TTC27: variants seen among roughly 807,000 people sequenced by gnomAD.
TTC27 encodes the protein tetratricopeptide repeat protein 27.
In TTC27, 79 loss-of-function variants were observed where a neutral mutation model predicts 115.9. The observed-to-expected ratio is 0.68, with a 90% CI of 0.57 to 0.82. TTC27 has a LOEUF of 0.82. Ranked by LOEUF, TTC27 falls within the 40% of genes least tolerant of loss-of-function variation. The pLI is 0.00. For missense variants in TTC27, 1,054 were observed against 993.1 expected (o/e 1.06, Z -0.82); for synonymous variants, 401 against 356.0 (o/e 1.13, Z -1.42).
intron 3 of TTC27, among the ~76,000 whole-genome samples, chr2:32,635,940 C>A (rs980638046): frequency 1.3e-5 from 2 of 152,076 alleles, no homozygotes; most frequent in Non-Finnish European, 2.9e-5. Flanking sequence ...TGTCTTATGT[C>A]TATGAAGGGA....
chr2:32,816,059 T>TTTAC (rs1671491604), intron 18 of TTC27, among the ~76,000 whole-genome samples: 1 of 152,152 alleles, frequency 6.6e-6, no homozygotes, highest in Admixed American at 6.5e-5. Flanking sequence ...GTCTCATGCC[T>TTTAC]GTAATTGGGA....
At chr2:32,662,576 C>G (rs979107477) in intron 5 of TTC27, among the ~76,000 whole-genome samples, 3 of 152,158 alleles carry the variant, frequency 2.0e-5, no homozygotes, top group African/African-American at 7.2e-5. Flanking sequence ...ATAGTATTCT[C>G]TGATGGTAGT....
intron 18 of TTC27, among the ~76,000 whole-genome samples, chr2:32,813,264 G>T (rs1473673733): frequency 6.6e-6 from 1 of 152,096 alleles, no homozygotes; most frequent in Non-Finnish European, 1.5e-5. Flanking sequence ...CCAATGTTAA[G>T]AACTGAATCA....
intron 8 of TTC27, among the ~76,000 whole-genome samples, chr2:32,675,766 G>T (rs891871817): frequency 6.6e-6 from 1 of 151,964 alleles, no homozygotes; most frequent in African/African-American, 2.4e-5. Flanking sequence ...TTGGAAAGGA[G>T]ACTTAGAGAA....
At chr2:32,641,677 GTTCT>G (rs1052544475) in intron 4 of TTC27, among the ~76,000 whole-genome samples, 1 of 151,806 alleles carries the variant, frequency 6.6e-6, no homozygotes, top group African/African-American at 2.4e-5. Flanking sequence ...AAATGCAATA[GTTCT>G]TTCTTTTTTT....
At chr2:32,798,493 G>C (rs1354269819) in intron 16 of TTC27, among the ~76,000 whole-genome samples, 8 of 151,942 alleles carry the variant, frequency 5.3e-5, no homozygotes, top group Non-Finnish European at 1.0e-4. Flanking sequence ...CACGAGGTCA[G>C]GAGATCGAGA....
At chr2:32,685,601 A>T (rs1052443880) in intron 9 of TTC27, among the ~76,000 whole-genome samples, 2 of 152,212 alleles carry the variant, frequency 1.3e-5, no homozygotes, top group Non-Finnish European at 2.9e-5. Context: ...AATGCAGTTC[A>T]CCTTATTAAT....
At chr2:32,632,305 G>T (rs946524559) in intron 2 of TTC27, among the ~76,000 whole-genome samples, 3 of 151,780 alleles carry the variant, frequency 2.0e-5, no homozygotes, top group African/African-American at 7.3e-5. Flanking sequence ...CACTCCGCCC[G>T]GCTGGATTCT....
intron 13 of TTC27, among the ~76,000 whole-genome samples, chr2:32,776,151 A>C (rs1669990747): frequency 6.6e-6 from 1 of 152,168 alleles, no homozygotes; most frequent in South Asian, 2.1e-4. Context: ...CCCTCTAACA[A>C]AATCTGTTCT....
rs1284410554 is a variant in TTC27, at chr2:32,809,637, G to C, written c.1999-1387G>C. The stretch of plus-strand genomic sequence containing the variant: ...CTTTCCTCAAGCTGGTTCTTTTGCT[G>C]TCCCACCATCAAAGGAGTGGAAGAT... On this transcript the variant is annotated intron_variant, in intron 16 of 19. Coordinates refer to ENST00000317907, the MANE Select transcript of TTC27 (RefSeq NM_017735.5). Among the ~76,000 whole-genome samples the C allele has an allele frequency of 2.0e-5, 3 of 152,332 alleles. No individual in the cohort carries two copies. The East Asian group carries it at 5.8e-4, about 29-fold the overall frequency.
intron 10 of TTC27, among the ~76,000 whole-genome samples, chr2:32,712,231 A>T (rs1250804139): frequency 6.6e-6 from 1 of 152,230 alleles, no homozygotes; most frequent in Non-Finnish European, 1.5e-5. Flanking sequence ...ACTAAAGGTA[A>T]ATAAATCATG....
intron 9 of TTC27, among the ~76,000 whole-genome samples, chr2:32,700,289 C>A (rs1468375463): frequency 6.6e-6 from 1 of 152,030 alleles, no homozygotes; most frequent in Non-Finnish European, 1.5e-5. Context: ...AGTGAGACAC[C>A]CAGGGAGGTC....
rs543784521 is a variant in TTC27, at chr2:32,660,455, G to A, written c.641-3848G>A. Among the ~76,000 whole-genome samples the A allele has an allele frequency of 2.6e-5, 4 of 152,214 alleles. No homozygotes were observed. In the South Asian group the frequency reaches 8.3e-4, roughly 32 times the overall value. On this transcript the variant is annotated intron_variant, in intron 5 of 19. Coordinates refer to ENST00000317907, the MANE Select transcript of TTC27 (RefSeq NM_017735.5). ...AGTTCATGTCCTTTGCAGGGACATG[G>A]ATGAAGCTGGAAACCATCATTCTCA...
chr2:32,791,198 C>T (rs920965564), intron 16 of TTC27, among the ~76,000 whole-genome samples: 9 of 152,122 alleles, frequency 5.9e-5, no homozygotes, highest in Admixed American at 2.6e-4. Flanking sequence ...TCATGAATAT[C>T]CTTGCAGACG....
At chr2:32,682,844 GTTGTTTTTTTTTTTTTTT>G (rs1310242625) in intron 9 of TTC27, among the ~76,000 whole-genome samples, 1 of 56,988 alleles carries the variant, frequency 1.8e-5, no homozygotes, top group Non-Finnish European at 3.0e-5. Context: ...AATTTTTATT[GTTGTTTTTTTTTTTTTTT>G]TTTTTTTTGA....
At chr2:32,782,494 A>T in intron 14 of TTC27, 132 bp from the exon 15 acceptor site, 1 of 591,574 alleles carries the variant, frequency 1.7e-6, no homozygotes, top group Non-Finnish European at 2.9e-6. Flanking sequence ...TATACCTTTA[A>T]ACACACTCTT....
rs561301625 is a variant in TTC27, at chr2:32,765,418, G to A, written c.1680+6899G>A. On this transcript the variant is annotated intron_variant, in intron 13 of 19. Transcript: ENST00000317907. ...ATGGCCTTGAAATATTCAGTAAACC[G>A]TGCTGTAAACAGAAGTATTGTCTTC... 1.3e-4 allele frequency among the ~76,000 whole-genome samples: 20 copies of A among 148,196 alleles called. No individual in the cohort carries two copies. The South Asian group carries it at 1.9e-3, about 14-fold the overall frequency.
chr2:32,684,194 G>C (rs1428169109), intron 9 of TTC27, among the ~76,000 whole-genome samples: 1 of 152,018 alleles, frequency 6.6e-6, no homozygotes. Flanking sequence ...TTGTTCTTGC[G>C]ATAGTTTACT....
Position 32,630,639 on chromosome 2 carries a change from T to C in TTC27, c.205T>C (p.Tyr69His), listed in dbSNP as rs181139902. 5 of 1,613,894 alleles carry C rather than the reference T, an allele frequency of 3.1e-6. No homozygotes were observed. The African/African-American group carries it at 5.3e-5, about 17-fold the overall frequency. ...AACCGCTGAAGAAAAGATTGATAGC[T>C]ACCTGGAGAAGCAGGTAGTAACATT... The part of the protein sequence containing the change: ...TTTAEEKIDS[Y>H]LEKQVVTFLD... The change falls in exon 2 of 20, where the codon TAC becomes CAC. Residue 69 changes from tyrosine to histidine, a missense_variant. Tyr to His is a moderately conservative substitution (Grantham distance 83). Transcript: ENST00000317907.
Sources: allele counts gnomAD v4.1 joint callset (sites outside exome capture counted in the v4.1 genomes callset), GRCh38; gene constraint gnomAD v4.1.1; transcripts MANE v1.5; gene names NCBI Gene and HGNC (gene_info 2026-07-23, HGNC 2026-07-21).